Variants in PHF14 observed in about 807,000 individuals in gnomAD.
PHF14 encodes PHD finger protein 14.
In PHF14, 55 loss-of-function variants were observed where a neutral mutation model predicts 117.9. The observed-to-expected ratio is 0.47, with a 90% confidence interval of 0.38 to 0.58. PHF14 has a LOEUF of 0.58. Among genes scored for constraint, PHF14 ranks in the 20% least tolerant of loss-of-function variants. The pLI is 0.00. For synonymous variants in PHF14, 409 were observed against 368.6 expected (o/e 1.11, Z -1.26); for missense variants, 978 against 1,122.2 (o/e 0.87, Z 1.84).
chr7:11,118,322 T>G (rs1367236004), intron 17 of PHF14, among the ~76,000 whole-genome samples: 1 of 151,876 alleles, frequency 6.6e-6, no homozygotes, highest in African/African-American at 2.4e-5. Flanking sequence ...CCCACAGATT[T>G]CCAGTTGATC....
At position 10,974,108 on chromosome 7, in the gene PHF14, G is replaced by A. The variant is rs982997679; in HGVS notation, c.-216G>A. ...CGGCCAGGGAGCGCTGTGGGAAGGG[G>A]CTCGAGCGGCCAGGGCCAGGCGAGG... On this transcript the variant is annotated 5_prime_UTR_variant, in exon 1 of 18. Transcript: ENST00000634607. 2.5e-5 allele frequency: 14 copies of A among 551,368 alleles called. No individual in the cohort carries two copies. The Admixed American group carries it at 4.3e-4, about 17-fold the overall frequency. The allele number at this position is 551,368 out of a possible 1,614,324, so 34.2% of individuals were successfully genotyped here.
chr7:11,141,769 G>A (rs1441868231), intron 17 of PHF14, among the ~76,000 whole-genome samples: 1 of 151,902 alleles, frequency 6.6e-6, no homozygotes, highest in Non-Finnish European at 1.5e-5. Flanking sequence ...TTTAAAGCTA[G>A]TCTGAACGTG....
intron 14 of PHF14, among the ~76,000 whole-genome samples, chr7:11,057,117 A>G (rs1785046980): frequency 6.6e-6 from 1 of 152,110 alleles, no homozygotes; most frequent in African/African-American, 2.4e-5. Context: ...ACAAGTGTTA[A>G]ATTTAGTGAC....
At chr7:11,106,110 T>C (rs2128342426) in intron 16 of PHF14, 1 of 984,462 alleles carries the variant, frequency 1.0e-6, no homozygotes, top group Non-Finnish European at 1.2e-6. Context: ...TGTGTATTTT[T>C]ATATGAATTG....
chr7:11,084,036 A>G (rs536159165), intron 16 of PHF14, among the ~76,000 whole-genome samples: 3 of 152,322 alleles, frequency 2.0e-5, no homozygotes, highest in South Asian at 4.1e-4. Context: ...AACATTACAT[A>G]AGGATATGAG....
Position 11,038,767 on chromosome 7 carries a change from A to C in PHF14, c.1988A>C (p.Glu663Ala). Residue 663 changes from glutamate (E) to alanine (A), a missense_variant, in exon 11 of 18, where the codon GAA (glutamate) becomes GCA (alanine). By Grantham distance (107) the Glu-to-Ala change is moderately radical (BLOSUM62 -1). Around this residue, in one of 7 missense-constraint regions of PHF14, gnomAD observed 237 missense variants for 276.4 expected, o/e 0.86. Transcript: ENST00000634607. Reference protein sequence around the residue: ...KLHVEYNKLCESLEELQNLNG... With the variant: ...KLHVEYNKLCASLEELQNLNG... ...ATTTGGCTTACTTTGTAGCTATGTG[A>C]ATCTTTAGAAGAACTACAAAACCTG... is the stretch of plus-strand genomic sequence containing the variant. 4 of 1,542,422 alleles carry C rather than the reference A, an allele frequency of 2.6e-6. No individual in the cohort carries two copies. Among genetic ancestry groups the C allele is most frequent in the Non-Finnish European group, 3.6e-6 (4 of 1,125,856 alleles).
intron 14 of PHF14, among the ~76,000 whole-genome samples, chr7:11,053,595 T>C (rs940217214): frequency 6.6e-6 from 1 of 152,078 alleles, no homozygotes; most frequent in Non-Finnish European, 1.5e-5. Context: ...TATCCTCTTA[T>C]GAAACATTAT....
chr7:11,144,933 AG>A (rs1308758779), intron 17 of PHF14, among the ~76,000 whole-genome samples: 1 of 151,964 alleles, frequency 6.6e-6, no homozygotes, highest in Non-Finnish European at 1.5e-5. Context: ...TATGGTTGCT[AG>A]GAGGTAAGGA....
intron 14 of PHF14, among the ~76,000 whole-genome samples, chr7:11,052,938 T>A (rs962602729): frequency 2.6e-5 from 4 of 152,126 alleles, no homozygotes; most frequent in Admixed American, 6.6e-5. Flanking sequence ...AAATAAAAGT[T>A]TGGTGTGTAT....
intron 16 of PHF14, among the ~76,000 whole-genome samples, chr7:11,094,626 G>C (rs1385678203): frequency 2.0e-5 from 3 of 152,112 alleles, no homozygotes; most frequent in Non-Finnish European, 4.4e-5. Flanking sequence ...CCTACCACAG[G>C]GTTCCTGGAA....
intron 17 of PHF14, among the ~76,000 whole-genome samples, chr7:11,159,108 T>A (rs542435564): frequency 6.6e-6 from 1 of 152,134 alleles, no homozygotes; most frequent in Non-Finnish European, 1.5e-5. Context: ...CTGAATCTTA[T>A]AAACTTGAGT....
Position 11,038,704 on chromosome 7 carries a change from A to G in PHF14, c.1981-56A>G, listed in dbSNP as rs1446271678. The stretch of plus-strand genomic sequence containing the variant: ...ATATATGTGGAATAGAAATGTAGAT[A>G]TTTCTTAAATTGTCAGATATTTTAA... On this transcript the variant is annotated intron_variant, in intron 10 of 17. Transcript: ENST00000634607. 1.8e-5 allele frequency: 12 copies of G among 672,930 alleles called. No homozygotes were observed. In the Middle Eastern group the frequency reaches 2.3e-3, roughly 130 times the overall value. The allele number at this position is 672,930 out of a possible 1,614,324, so 41.7% of individuals were successfully genotyped here.
chr7:11,122,352 T>TATACACACACACACAC, intron 17 of PHF14, among the ~76,000 whole-genome samples: 2 of 65,854 alleles, frequency 3.0e-5, no homozygotes, highest in East Asian at 5.9e-4. Flanking sequence ...TATATATATA[T>TATACACACACACACAC]ACACACACAC....
intron 4 of PHF14, among the ~76,000 whole-genome samples, chr7:11,000,334 C>CTTTT (rs71023882): frequency 2.2e-4 from 13 of 60,366 alleles, no homozygotes; most frequent in East Asian, 8.4e-4. Context: ...GCTTATTTGC[C>CTTTT]TTTTTTTTTT....
intron 13 of PHF14, among the ~76,000 whole-genome samples, chr7:11,043,588 A>T (rs1784568493): frequency 6.6e-6 from 1 of 152,072 alleles, no homozygotes; most frequent in African/African-American, 2.4e-5. Flanking sequence ...ATATTTTTTG[A>T]CCTCATTGTT....
At chr7:11,043,244 A>T (rs139379781) in intron 13 of PHF14, among the ~76,000 whole-genome samples, 1 of 151,008 alleles carries the variant, frequency 6.6e-6, no homozygotes, top group Non-Finnish European at 1.5e-5. Context: ...TTTAAATTCA[A>T]CCATTCTTTG....
At chr7:11,131,606 G>A (rs1788091457) in intron 17 of PHF14, among the ~76,000 whole-genome samples, 1 of 151,840 alleles carries the variant, frequency 6.6e-6, no homozygotes. Flanking sequence ...TATTATCACT[G>A]TTTTTTGCAG....
intron 17 of PHF14, among the ~76,000 whole-genome samples, chr7:11,155,798 G>A (rs949594690): frequency 2.0e-5 from 3 of 151,120 alleles, no homozygotes; most frequent in East Asian, 3.9e-4. Context: ...CTAGCACAGT[G>A]CCTGACACAT....
intron 3 of PHF14, among the ~76,000 whole-genome samples, chr7:10,988,461 C>G (rs1194720056): frequency 1.3e-5 from 2 of 151,668 alleles, no homozygotes; most frequent in Admixed American, 6.6e-5. Context: ...AGAGAAATTA[C>G]CACACAGTCC....
Sources: allele counts gnomAD v4.1 joint callset (sites outside exome capture counted in the v4.1 genomes callset), GRCh38; gene constraint gnomAD v4.1.1; regional missense constraint gnomAD v4.1.1; transcripts MANE v1.5; gene names NCBI Gene and HGNC (gene_info 2026-07-23, HGNC 2026-07-21).